CEP85: variants seen among roughly 807,000 people sequenced by gnomAD.
CEP85 encodes the protein centrosomal protein of 85 kDa.
In CEP85, 58 loss-of-function variants were observed where a neutral mutation model predicts 93.7. The observed-to-expected ratio is 0.62, with a 90% CI of 0.50 to 0.77. CEP85 has a LOEUF of 0.77. Ranked by LOEUF, CEP85 falls within the 30% of genes least tolerant of loss-of-function variation. CEP85 has a pLI of 0.00. For missense variants in CEP85, 868 were observed against 922.0 expected (o/e 0.94, Z 0.76); for synonymous variants, 314 against 338.6 (o/e 0.93, Z 0.80).
rs1213554420 is a variant in CEP85, at chr1:26,268,480, T to C, written c.1342-3T>C. 3 of 1,614,036 alleles carry C rather than the reference T, an allele frequency of 1.9e-6. No individual in the cohort carries two copies. In the Admixed American group the frequency reaches 5.0e-5, roughly 27 times the overall value. On this transcript the variant is annotated splice_polypyrimidine_tract_variant and splice_region_variant and intron_variant, in intron 7 of 13. Transcript: ENST00000451429. Reference sequence around the variant, plus strand: ...GAGACAGACTTGACATTTATTTTCCTAGGTCAAAGGTCGTGATAAACATAT... The same window carrying C: ...GAGACAGACTTGACATTTATTTTCCCAGGTCAAAGGTCGTGATAAACATAT...
chr1:26,267,846 C>T (rs1371575864), intron 7 of CEP85, among the ~76,000 whole-genome samples: 4 of 152,192 alleles, frequency 2.6e-5, no homozygotes, highest in African/African-American at 4.8e-5. Context: ...TGGTGATCTG[C>T]ATCCATTCTG....
intron 3 of CEP85, among the ~76,000 whole-genome samples, chr1:26,244,982 A>AT (rs1387050882): frequency 6.6e-6 from 1 of 152,124 alleles, no homozygotes; most frequent in Non-Finnish European, 1.5e-5. Context: ...GATCGTCCCT[A>AT]TCCCACCCAC....
At chr1:26,234,390 C>G (rs1002850624) in intron 1 of CEP85, 80 bp downstream of exon 1, 1 of 152,298 alleles carries the variant, frequency 6.6e-6, no homozygotes, top group Admixed American at 6.5e-5. Context: ...AAGCCTCAGA[C>G]GCTCGCGACC....
At chr1:26,273,303 AC>A (rs975309999) in intron 11 of CEP85, among the ~76,000 whole-genome samples, 1 of 152,134 alleles carries the variant, frequency 6.6e-6, no homozygotes. Flanking sequence ...AAAAGTTTTC[AC>A]ACCAAAACAC....
intron 2 of CEP85, 87 bp downstream of exon 2, chr1:26,239,925 A>ATT: frequency 1.0e-6 from 1 of 954,772 alleles, no homozygotes; most frequent in Admixed American, 1.9e-5. Context: ...ACAAACAAGC[A>ATT]TTCACTGAAA....
In CEP85 at chr1:26,255,965, A is replaced by G. The variant is rs535832298; in HGVS notation, c.903+100A>G. On this transcript the variant is annotated intron_variant, in intron 4 of 13. Coordinates refer to ENST00000451429, the MANE Select transcript of CEP85 (RefSeq NM_001319944.2). ...ATTTTGGCTTAAAGAAAATAGCTGT[A>G]AAAAGAAGGAAGATGTTTGTAGACA... 65 of 997,136 alleles carry G rather than the reference A, an allele frequency of 6.5e-5. No homozygotes were observed. The African/African-American group carries it at 9.6e-4, about 15-fold the overall frequency. 61.8% of individuals were successfully genotyped at this position (997,136 alleles called of 1,614,324 possible).
rs1419868401 is a variant in CEP85, at chr1:26,258,169, A to C, written c.1064A>C (p.Glu355Ala). ...CAGAGGAAACACATCTCTCAGCTGG[A>C]GCAGAAAGTGCGAGAGAGCGAACTG... ...DKQRKHISQL[E>A]QKVRESELQV... Residue 355 changes from glutamate (E) to alanine (A), a missense_variant, in exon 6 of 14, where the codon GAG (glutamate) becomes GCG (alanine). Physicochemically the swap from Glu to Ala is moderately radical, Grantham distance 107. Coordinates refer to ENST00000451429, the MANE Select transcript of CEP85 (RefSeq NM_001319944.2). 12 of 1,613,988 alleles carry C rather than the reference A, an allele frequency of 7.4e-6. No individual in the cohort carries two copies.
At chr1:26,260,686 A>G (rs2089793827) in intron 7 of CEP85, among the ~76,000 whole-genome samples, 1 of 152,214 alleles carries the variant, frequency 6.6e-6, no homozygotes, top group Admixed American at 6.5e-5. Flanking sequence ...ACTTAAAACA[A>G]CTAGAGCAAT....
rs1350827522 is a variant in CEP85 at position 26,239,961 on chromosome 1, A to G, written c.55+123A>G. 1.5e-5 allele frequency: 11 copies of G among 713,440 alleles called. No homozygotes were observed. The Admixed American group carries it at 2.4e-4, about 16-fold the overall frequency. 44.2% of individuals were successfully genotyped at this position (713,440 alleles called of 1,614,324 possible). ...TGCTGGTGCTAAAAGAATAAAAATAACATGGGGCTTCATTGAATATAAAAA... is the reference window on the plus strand; with the variant it reads ...TGCTGGTGCTAAAAGAATAAAAATAGCATGGGGCTTCATTGAATATAAAAA... On this transcript the variant is annotated intron_variant, in intron 2 of 13. Transcript: ENST00000451429.
intron 12 of CEP85, among the ~76,000 whole-genome samples, chr1:26,275,996 C>G (rs1200131643): frequency 6.6e-6 from 1 of 152,204 alleles, no homozygotes; most frequent in Non-Finnish European, 1.5e-5. Context: ...AGGGCTGGAT[C>G]CTCCAGGTTC....
chr1:26,236,218 A>C (rs1332104614), intron 1 of CEP85, among the ~76,000 whole-genome samples: 2 of 152,222 alleles, frequency 1.3e-5, no homozygotes, highest in African/African-American at 4.8e-5. Context: ...AATGAGGATA[A>C]TAGTAACTGC....
chr1:26,257,626 T>C lies in CEP85; in HGVS notation c.933T>C (p.Pro311=), dbSNP rs1447972879. 1 of 1,614,106 alleles carries C rather than the reference T, an allele frequency of 6.2e-7. No homozygotes were observed. Among genetic ancestry groups the C allele is most frequent in the Non-Finnish European group, 8.5e-7 (1 of 1,180,024 alleles). ...QLQNGAICHH[P]AAFGPSLPIL... ...AGAATGGAGCCATCTGCCACCATCC[T>C]GCTGCTTTTGGTCCTTCACTGCCCA... is the stretch of plus-strand genomic sequence containing the variant. The change falls in exon 5 of 14, where the codon CCT becomes CCC. Residue 311 remains proline, a synonymous_variant. Coordinates refer to ENST00000451429, the MANE Select transcript of CEP85 (RefSeq NM_001319944.2).
intron 3 of CEP85, among the ~76,000 whole-genome samples, chr1:26,251,257 T>TG (rs34217949): frequency 0.15 from 21,391 of 146,754 alleles, 1,854 homozygotes; most frequent in African/African-American, 0.21. Context: ...CTTGGTTTTT[T>TG]TTTTTTTTTT....
chr1:26,277,125 C>T lies in CEP85; in HGVS notation c.2129-11C>T. 6.2e-7 allele frequency: 1 copy of T among 1,610,042 alleles called. No homozygotes were observed. Among genetic ancestry groups the T allele is most frequent in the Non-Finnish European group, 8.5e-7 (1 of 1,176,508 alleles). On this transcript the variant is annotated splice_polypyrimidine_tract_variant and intron_variant, in intron 13 of 13. Transcript: ENST00000451429. ...ACTAACATTCTCTTGAAATGCTCTT[C>T]TCCCCAGCAGCACAGCACCCAGAGA...
intron 13 of CEP85, 126 bp downstream of exon 13, chr1:26,276,886 C>A: frequency 1.2e-6 from 1 of 838,376 alleles, no homozygotes. Context: ...CCACTGCCCT[C>A]TGGACATTTA....
At chr1:26,275,428 G>A (rs1267670622) in intron 12 of CEP85, among the ~76,000 whole-genome samples, 4 of 151,812 alleles carry the variant, frequency 2.6e-5, no homozygotes, top group Non-Finnish European at 2.9e-5. Flanking sequence ...CTACAGGCAC[G>A]CGCCACCACG....
At chr1:26,250,992 A>T (rs1461459039) in intron 3 of CEP85, among the ~76,000 whole-genome samples, 6 of 115,160 alleles carry the variant, frequency 5.2e-5, no homozygotes, top group Admixed American at 5.2e-4. Context: ...CTCAGGCTGG[A>T]GTGCAGTGGT....
At position 26,269,535 on chromosome 1, in the gene CEP85, C is replaced by T. The variant is rs763499424; in HGVS notation, c.1570C>T (p.Gln524Ter). The T allele has an allele frequency of 1.9e-6, 3 of 1,613,866 alleles. No individual in the cohort carries two copies. The highest frequency in any genetic ancestry group is 2.5e-6 in the Non-Finnish European group (3 of 1,179,932). ...GCTGGAGAGTTTGCTGGAGGAGACC[C>T]AGGCAATCTGCAGAGAGAAGGAGAT... Reference protein sequence around the residue: ...TELESLLEETQAICREKEIQL... With the variant: ...TELESLLEET The change falls in exon 9 of 14, where the codon CAG (glutamine) becomes TAG (stop). Residue 524 changes from glutamine (Q) to a stop codon, truncating the protein, a stop_gained. Coordinates refer to ENST00000451429, the MANE Select transcript of CEP85 (RefSeq NM_001319944.2). LOFTEE classifies it high-confidence loss of function.
At chr1:26,272,178 G>A in intron 11 of CEP85, 107 bp downstream of exon 11, 1 of 1,109,380 alleles carries the variant, frequency 9.0e-7, no homozygotes, top group Non-Finnish European at 1.3e-6. Context: ...TCAGTGTTAG[G>A]GATACAAAAA....
Sources: allele counts gnomAD v4.1 joint callset (sites outside exome capture counted in the v4.1 genomes callset), GRCh38; gene constraint gnomAD v4.1.1; transcripts MANE v1.5; gene names NCBI Gene and HGNC (gene_info 2026-07-23, HGNC 2026-07-21).